Variants in AOPEP observed in about 807,000 individuals in gnomAD.
The protein encoded by AOPEP is aminopeptidase O (putative).
Under a neutral mutation model 98.1 loss-of-function variants are expected in AOPEP, and 77 were observed. That is an observed-to-expected ratio of 0.78 (90% CI 0.65 to 0.95). The LOEUF is 0.95. AOPEP is among the 40% of genes least tolerant of loss of function. AOPEP has a pLI of 0.00. For missense variants in AOPEP, 1,024 were observed against 1,024.7 expected, an observed-to-expected ratio of 1.00 and a Z score of 0.01; for synonymous variants, 346 against 365.3, an observed-to-expected ratio of 0.95 and a Z score of 0.60.
intron 4 of AOPEP, 118 bp from the exon 5 acceptor site, chr9:94,800,639 T>G: frequency 9.6e-7 from 1 of 1,046,158 alleles, no homozygotes; most frequent in Non-Finnish European, 1.4e-6. Context: ...GAGCAGTCTT[T>G]GCTTGTGAGT....
rs535093302 is a variant in AOPEP at position 94,803,575 on chromosome 9, AC to A, written c.1364+2574del. Among the ~76,000 whole-genome samples the A allele has an allele frequency of 1.6e-4, 24 of 152,358 alleles. No homozygotes were observed. In the East Asian group the frequency reaches 4.6e-3, roughly 29 times the overall value. On this transcript the variant is annotated intron_variant, in intron 5 of 16. Coordinates refer to ENST00000375315, the MANE Select transcript of AOPEP (RefSeq NM_001193329.3). ...AAGTGAGGAAAAACACATTTATAAAACTTGAATGTATGATAATGACAAATCA... is the reference window on the plus strand; with the variant it reads ...AAGTGAGGAAAAACACATTTATAAAATTGAATGTATGATAATGACAAATCA...
intron 13 of AOPEP, among the ~76,000 whole-genome samples, chr9:95,035,053 T>C (rs2064671452): frequency 6.6e-6 from 1 of 152,062 alleles, no homozygotes; most frequent in Non-Finnish European, 1.5e-5. Context: ...ATGTGCCATG[T>C]TGGTTTGCTG....
At position 95,051,041 on chromosome 9, in the gene AOPEP, C is replaced by T. The variant is rs147091861; in HGVS notation, c.2116-9653C>T. Among the ~76,000 whole-genome samples the T allele has an allele frequency of 4.6e-5, 7 of 150,914 alleles. No homozygotes were observed. The East Asian group carries it at 1.4e-3, about 29-fold the overall frequency. On this transcript the variant is annotated intron_variant, in intron 13 of 16. Transcript: ENST00000375315. The stretch of plus-strand genomic sequence containing the variant: ...GTCCTTCTGTTGCTATTCTTTTTCT[C>T]ACTTAGCAACTATTATGTTGTTATC...
intron 5 of AOPEP, among the ~76,000 whole-genome samples, chr9:94,806,058 C>T (rs1319087051): frequency 2.0e-5 from 3 of 152,180 alleles, no homozygotes; most frequent in African/African-American, 7.2e-5. Context: ...CAAAACCACC[C>T]TACTTTTAAA....
At chr9:94,772,931 C>T in intron 2 of AOPEP, 71 bp from the exon 3 acceptor site, 3 of 1,418,458 alleles carry the variant, frequency 2.1e-6, no homozygotes, top group Non-Finnish European at 2.9e-6. Flanking sequence ...CCTGCACTAC[C>T]ATACTGGTGA....
At chr9:94,945,091 G>A (rs1026309802) in intron 7 of AOPEP, among the ~76,000 whole-genome samples, 2 of 152,102 alleles carry the variant, frequency 1.3e-5, no homozygotes, top group Non-Finnish European at 2.9e-5. Context: ...CATTTCCAGC[G>A]TTGGATGGAT....
At chr9:94,781,026 G>T (rs938536467) in intron 3 of AOPEP, among the ~76,000 whole-genome samples, 6 of 152,046 alleles carry the variant, frequency 3.9e-5, no homozygotes, top group Admixed American at 3.3e-4. Context: ...TTAAAATGAA[G>T]GGTAATGGTT....
intron 5 of AOPEP, among the ~76,000 whole-genome samples, chr9:94,878,523 C>T (rs1437550200): frequency 6.6e-6 from 1 of 151,938 alleles, no homozygotes; most frequent in Non-Finnish European, 1.5e-5. Flanking sequence ...AAAAAGCTTC[C>T]TGTACCTGGT....
At chr9:94,903,543 C>T (rs1269168204) in intron 5 of AOPEP, among the ~76,000 whole-genome samples, 1 of 149,410 alleles carries the variant, frequency 6.7e-6, no homozygotes, top group Non-Finnish European at 1.5e-5. Flanking sequence ...AATTCCAGTA[C>T]ATTGGGAGGC....
At chr9:94,820,285 C>T (rs1852760687) in intron 5 of AOPEP, among the ~76,000 whole-genome samples, 2 of 152,084 alleles carry the variant, frequency 1.3e-5, no homozygotes, top group African/African-American at 2.4e-5. Context: ...ACCTCTGTTC[C>T]GATTTTCCAT....
chr9:94,778,443 C>CAA (rs34475660), intron 3 of AOPEP, among the ~76,000 whole-genome samples: 7,972 of 137,994 alleles, frequency 0.058, 683 homozygotes, highest in African/African-American at 0.19. Flanking sequence ...ACTGATAAAT[C>CAA]AAAAAAAAAA....
chr9:95,066,624 G>T (rs1564595917), intron 14 of AOPEP, among the ~76,000 whole-genome samples: 1 of 152,092 alleles, frequency 6.6e-6, no homozygotes, highest in Non-Finnish European at 1.5e-5. Flanking sequence ...TTTGCACAGG[G>T]TTCAGCAGTG....
chr9:94,821,486 G>A (rs1190127810), intron 5 of AOPEP, among the ~76,000 whole-genome samples: 1 of 152,252 alleles, frequency 6.6e-6, no homozygotes, highest in Non-Finnish European at 1.5e-5. Context: ...CAGAGGCCAA[G>A]CATGATTTGA....
intron 5 of AOPEP, among the ~76,000 whole-genome samples, chr9:94,841,019 C>G (rs2042203259): frequency 6.6e-6 from 1 of 151,998 alleles, no homozygotes; most frequent in Non-Finnish European, 1.5e-5. Context: ...TATTTCCTTC[C>G]TCTACTTGCT....
the AOPEP span, among the ~76,000 whole-genome samples, chr9:95,124,246 G>A: frequency 6.6e-6 from 1 of 152,084 alleles, no homozygotes; most frequent in Non-Finnish European, 1.5e-5. Flanking sequence ...AGCTTCACAG[G>A]GGCCGTGACA....
At chr9:94,984,344 A>G (rs2138833203) in intron 11 of AOPEP, among the ~76,000 whole-genome samples, 1 of 152,262 alleles carries the variant, frequency 6.6e-6, no homozygotes, top group African/African-American at 2.4e-5. Flanking sequence ...TGATTTTTTA[A>G]TTTAGTCGTA....
chr9:94,760,170 G>A lies in AOPEP; in HGVS notation c.387G>A (p.Lys129=). Residue 129 remains lysine, a synonymous_variant, in exon 2 of 17, where the codon AAG becomes AAA. Transcript: ENST00000375315. Reference sequence around the variant, plus strand: ...ATGCTTCTGGGATTTCTAGCTCAAAGTACTGCTGTGACACAGGGAATCATG... The same window carrying A: ...ATGCTTCTGGGATTTCTAGCTCAAAATACTGCTGTGACACAGGGAATCATG... ...QEHASGISSS[K]YCCDTGNHGS... 6.2e-7 allele frequency: 1 copy of A among 1,614,224 alleles called. No homozygotes were observed. Among genetic ancestry groups the A allele is most frequent in the Non-Finnish European group, 8.5e-7 (1 of 1,180,050 alleles).
chr9:94,792,844 A>G lies in AOPEP; in HGVS notation c.1044A>G (p.Glu348=), dbSNP rs146040471. The G allele has an allele frequency of 1.2e-6, 2 of 1,613,978 alleles. No individual in the cohort carries two copies. Among genetic ancestry groups the G allele is most frequent in the Non-Finnish European group, 1.7e-6 (2 of 1,179,888 alleles). Residue 348 remains glutamate (E), a synonymous_variant, in exon 4 of 17, where the codon GAA becomes GAG. Transcript: ENST00000375315. ...TFTIAVGCWT[E]MKMETWSSND... is the part of the protein sequence containing the mutation. ...CAATTGCAGTGGGATGCTGGACAGAAATGAAGATGGAGACATGGTCATCAA... is the reference window on the plus strand; with the variant it reads ...CAATTGCAGTGGGATGCTGGACAGAGATGAAGATGGAGACATGGTCATCAA...
At chr9:94,962,056 T>C (rs1423853671) in intron 9 of AOPEP, among the ~76,000 whole-genome samples, 1 of 152,244 alleles carries the variant, frequency 6.6e-6, no homozygotes, top group Non-Finnish European at 1.5e-5. Flanking sequence ...ACTGGAGTTG[T>C]ATACAGCCTT....
Sources: gnomAD v4.1 joint callset for allele counts (sites outside exome capture counted in the v4.1 genomes callset) on GRCh38, gnomAD v4.1.1 for gene constraint, MANE v1.5 for transcripts, NCBI Gene and HGNC (gene_info 2026-07-23, HGNC 2026-07-21) for gene names.